Variants in RHCG observed in about 807,000 individuals in gnomAD.
RHCG encodes Rh family C glycoprotein, also known as ammonium transporter Rh type C.
In RHCG, 39 loss-of-function variants were observed where a neutral mutation model predicts 55.3. The ratio of observed to expected loss-of-function variants is 0.70; its 90% CI spans 0.55 to 0.92. The LOEUF is 0.92. Ranked by LOEUF, RHCG falls within the 40% of genes least tolerant of loss-of-function variation. The pLI, the probability that RHCG is intolerant of heterozygous loss-of-function variation, is 0.00. For missense variants in RHCG, 635 were observed against 627.9 expected (o/e 1.01, Z -0.12); for synonymous variants, 250 against 246.8 (o/e 1.01, Z -0.12).
chr15:89,472,865 T>C lies in RHCG; in HGVS notation c.1312-2A>G, dbSNP rs752073039. On this transcript the variant is annotated splice_acceptor_variant, in intron 9 of 10. Transcript: ENST00000268122. LOFTEE classifies it high-confidence loss of function. ...GACAGTGCTGTTCCCTTCAGGCATC[T>C]ACAGAGAGAGGATGCAACTCTGAGG... The C allele has an allele frequency of 2.1e-6, 3 of 1,447,614 alleles. No individual in the cohort carries two copies. Among genetic ancestry groups the C allele is most frequent in the South Asian group, 2.8e-5 (2 of 71,386 alleles). 89.7% of individuals were successfully genotyped at this position (1,447,614 alleles called of 1,614,324 possible).
At chr15:89,475,428 T>C (rs993863177) in intron 9 of RHCG, among the ~76,000 whole-genome samples, 1 of 152,138 alleles carries the variant, frequency 6.6e-6, no homozygotes, top group African/African-American at 2.4e-5. Context: ...GTATTTTTAG[T>C]AGAGACAGGG....
In RHCG at chr15:89,477,712, C is replaced by A; in HGVS notation, c.976-59G>T. 1 of 1,606,092 alleles carries A rather than the reference C, an allele frequency of 6.2e-7. No homozygotes were observed. The highest frequency in any genetic ancestry group is 8.5e-7 in the Non-Finnish European group (1 of 1,174,056). On this transcript the variant is annotated intron_variant, in intron 6 of 10. Coordinates refer to ENST00000268122, the MANE Select transcript of RHCG (RefSeq NM_016321.3). The surrounding 1 kb of genome is among the most constrained non-coding windows in gnomAD (Gnocchi z 4.5). The stretch of plus-strand genomic sequence containing the variant: ...GGGCTGCATCAAGGGTGTGGGGAGG[C>A]CGGGATTCCAGAGACCCAGGATTCT...
At chr15:89,482,179 C>T (rs1961280408) in intron 3 of RHCG, among the ~76,000 whole-genome samples, 2 of 152,014 alleles carry the variant, frequency 1.3e-5, no homozygotes, top group South Asian at 2.1e-4. Flanking sequence ...TCAGGTGATC[C>T]GCCTGTCTCA....
At position 89,472,848 on chromosome 15, in the gene RHCG, T is replaced by C; in HGVS notation, c.1327A>G (p.Ser443Gly). 2 of 1,504,534 alleles carry C rather than the reference T, an allele frequency of 1.3e-6. No homozygotes were observed. The highest frequency in any genetic ancestry group is 8.9e-7 in the Non-Finnish European group (1 of 1,119,508). 93.2% of individuals were successfully genotyped at this position (1,504,534 alleles called of 1,614,324 possible). ...AVYWEMPEGN[S>G]TVYIPEDPTF... ...GGGTCCTCAGGGATGTAGACAGTGCTGTTCCCTTCAGGCATCTACAGAGAG... is the reference window on the plus strand; with the variant it reads ...GGGTCCTCAGGGATGTAGACAGTGCCGTTCCCTTCAGGCATCTACAGAGAG... The change falls in exon 10 of 11, where the codon AGC (serine) becomes GGC (glycine). Residue 443 changes from serine to glycine, a missense_variant. Ser to Gly is a moderately conservative substitution (Grantham distance 56). Transcript: ENST00000268122.
In RHCG at chr15:89,483,230, A is replaced by G; in HGVS notation, c.372-13T>C. 2 of 1,527,998 alleles carry G rather than the reference A, an allele frequency of 1.3e-6. No homozygotes were observed. Among genetic ancestry groups the G allele is most frequent in the Middle Eastern group, 1.8e-4 (1 of 5,556 alleles). 94.7% of individuals were successfully genotyped at this position (1,527,998 alleles called of 1,614,324 possible). ...AGCGTTGATGAGGCTGTGGGGAGACAGGCCAGTGGAGAAGCTGGGGCAATA... is the reference window on the plus strand; with the variant it reads ...AGCGTTGATGAGGCTGTGGGGAGACGGGCCAGTGGAGAAGCTGGGGCAATA... On this transcript the variant is annotated splice_polypyrimidine_tract_variant and intron_variant, in intron 2 of 10. Transcript: ENST00000268122.
intron 2 of RHCG, among the ~76,000 whole-genome samples, chr15:89,484,285 C>G (rs1285386002): frequency 1.3e-5 from 2 of 152,192 alleles, no homozygotes; most frequent in African/African-American, 2.4e-5. Flanking sequence ...TGATCGATGG[C>G]AGTTCCTAAG....
intron 3 of RHCG, among the ~76,000 whole-genome samples, chr15:89,482,520 G>A (rs1390406054): frequency 1.3e-5 from 2 of 152,162 alleles, no homozygotes; most frequent in African/African-American, 2.4e-5. Flanking sequence ...ACTGTCCAAA[G>A]GCACCAAGGA....
At chr15:89,480,849 C>T (rs765993691) in intron 3 of RHCG, among the ~76,000 whole-genome samples, 4 of 152,226 alleles carry the variant, frequency 2.6e-5, no homozygotes, top group South Asian at 2.1e-4. Flanking sequence ...TTGCCCCTGG[C>T]GAGGGCCTGG....
chr15:89,494,071 C>G (rs924742013), intron 1 of RHCG, among the ~76,000 whole-genome samples: 1 of 149,238 alleles, frequency 6.7e-6, no homozygotes, highest in African/African-American at 2.4e-5. Flanking sequence ...GGGCTCTCCC[C>G]CTGTTAGCAT....
intron 9 of RHCG, 79 bp downstream of exon 9, chr15:89,476,675 GC>G (rs1437099950): frequency 8.1e-7 from 1 of 1,229,274 alleles, no homozygotes; most frequent in African/African-American, 1.5e-5. Flanking sequence ...GGGTCCCCAG[GC>G]CCCAGCCCAG....
intron 4 of RHCG, among the ~76,000 whole-genome samples, chr15:89,479,947 G>C (rs1434504927): frequency 6.6e-6 from 1 of 152,252 alleles, no homozygotes; most frequent in Non-Finnish European, 1.5e-5. Flanking sequence ...CCAGGGGATG[G>C]AGTGAGCAGC....
In RHCG at chr15:89,477,097, C is replaced by T; in HGVS notation, c.1222G>A (p.Gly408Ser). The change falls in exon 8 of 11, where the codon GGT becomes AGT. Residue 408 changes from glycine to serine, a missense_variant. Coordinates refer to ENST00000268122, the MANE Select transcript of RHCG (RefSeq NM_016321.3). This position sits in a 1 kb window ranked among gnomAD's most constrained non-coding sequence, Gnocchi z 4.5. ...LLVTLAMALM[G>S]GIIVGLILRL... The stretch of plus-strand genomic sequence containing the variant: ...TCCTGCTCACCCACAATGATGCCAC[C>T]CATCAGGGCCATGGCCAGGGTCACC... The T allele has an allele frequency of 1.9e-6, 3 of 1,614,052 alleles. No homozygotes were observed. The highest frequency in any genetic ancestry group is 2.5e-6 in the Non-Finnish European group (3 of 1,180,020).
chr15:89,479,606 C>T (rs2289352), intron 4 of RHCG, 118 bp from the exon 5 acceptor site: 167,886 of 916,548 alleles, frequency 0.18, 15,976 homozygotes, highest in East Asian at 0.23. Flanking sequence ...CAGCTGTTTC[C>T]ACCTCTGCAG....
In RHCG at chr15:89,483,222, G is replaced by A; in HGVS notation, c.372-5C>T. The A allele has an allele frequency of 6.4e-7, 1 of 1,552,966 alleles. No homozygotes were observed. Among genetic ancestry groups the A allele is most frequent in the African/African-American group, 1.3e-5 (1 of 74,242 alleles). On this transcript the variant is annotated splice_polypyrimidine_tract_variant and splice_region_variant and intron_variant, in intron 2 of 10. Transcript: ENST00000268122. ...CAGAAGTCAGCGTTGATGAGGCTGT[G>A]GGGAGACAGGCCAGTGGAGAAGCTG...
chr15:89,489,945 G>A (rs1961443385), intron 1 of RHCG, among the ~76,000 whole-genome samples: 1 of 152,240 alleles, frequency 6.6e-6, no homozygotes, highest in Non-Finnish European at 1.5e-5. Flanking sequence ...GCAGAGCCAT[G>A]CCTGTTTTGT....
chr15:89,477,837 G>T lies in RHCG; in HGVS notation c.975C>A (p.Thr325=). ...IISTLGFVYL[T]PFLESRLHIQ... is the part of the protein sequence containing the mutation. ...CCAGCCCCTTGCCTGGGGCACTTAC[G>T]GTCAGGTATACAAAACCCAGGGTGG... The change falls in exon 6 of 11, where the codon ACC becomes ACA. Residue 325 remains threonine, a splice_region_variant and synonymous_variant. Coordinates refer to ENST00000268122, the MANE Select transcript of RHCG (RefSeq NM_016321.3). The surrounding 1 kb of genome is among the most constrained non-coding windows in gnomAD (Gnocchi z 4.5). 1.2e-6 allele frequency: 2 copies of T among 1,614,002 alleles called. No individual in the cohort carries two copies. Among genetic ancestry groups the T allele is most frequent in the Non-Finnish European group, 1.7e-6 (2 of 1,179,994 alleles).
intron 2 of RHCG, among the ~76,000 whole-genome samples, chr15:89,485,013 C>A (rs1404367436): frequency 5.3e-5 from 8 of 152,086 alleles, no homozygotes; most frequent in Admixed American, 1.3e-4. Context: ...AAGGTCAGGT[C>A]TGGGGACAAT....
chr15:89,475,900 C>T (rs1961139527), intron 9 of RHCG, among the ~76,000 whole-genome samples: 1 of 152,152 alleles, frequency 6.6e-6, no homozygotes, highest in South Asian at 2.1e-4. Context: ...TGTTTGTCAT[C>T]AGAACCACCT....
At position 89,479,842 on chromosome 15, in the gene RHCG, G is replaced by A. The variant is rs941772432; in HGVS notation, c.671-354C>T. 5 of 374,720 alleles carry A rather than the reference G, an allele frequency of 1.3e-5. No homozygotes were observed. In the South Asian group the frequency reaches 1.5e-4, roughly 11 times the overall value. The allele number at this position is 374,720 out of a possible 1,614,324, so 23.2% of individuals were successfully genotyped here. ...CTACGCTGTGAGGAGCTCCTGGAGG[G>A]CAGGGCTGGGTTTTGAGAGACCAGA... is the stretch of plus-strand genomic sequence containing the variant. On this transcript the variant is annotated intron_variant, in intron 4 of 10. Transcript: ENST00000268122.
Sources: gnomAD v4.1 joint callset for allele counts (sites outside exome capture counted in the v4.1 genomes callset) on GRCh38, gnomAD v4.1.1 for gene constraint, Gnocchi (gnomAD v3.1) non-coding constraint, MANE v1.5 for transcripts, NCBI Gene and HGNC (gene_info 2026-07-23, HGNC 2026-07-21) for gene names.